CATSPERB: variants seen among roughly 807,000 people sequenced by gnomAD.
CATSPERB encodes the protein cation channel sperm-associated auxiliary subunit beta.
A neutral mutation model predicts 128.3 loss-of-function variants in CATSPERB; 93 were observed. The observed-to-expected ratio is 0.72, with a 90% CI of 0.61 to 0.86. CATSPERB has a LOEUF of 0.86. CATSPERB is among the 40% of genes least tolerant of loss of function. CATSPERB has a pLI of 0.00. For synonymous variants in CATSPERB, 381 were observed against 448.8 expected, an observed-to-expected ratio of 0.85 and a Z score of 1.91; for missense variants, 1,153 against 1,329.5, an observed-to-expected ratio of 0.87 and a Z score of 2.06.
chr14:91,639,935 T>G (rs1894461172), intron 15 of CATSPERB, among the ~76,000 whole-genome samples: 1 of 152,098 alleles, frequency 6.6e-6, no homozygotes. Context: ...GGACTCAGTT[T>G]TTAGATTACT....
chr14:91,726,832 G>A (rs1354074336), intron 2 of CATSPERB, among the ~76,000 whole-genome samples: 2 of 152,140 alleles, frequency 1.3e-5, no homozygotes, highest in East Asian at 3.9e-4. Context: ...AGCTAGGGCA[G>A]AACTGTGCTT....
chr14:91,618,584 A>G (rs1212060884), intron 19 of CATSPERB, among the ~76,000 whole-genome samples: 1 of 152,240 alleles, frequency 6.6e-6, no homozygotes, highest in Non-Finnish European at 1.5e-5. Flanking sequence ...ACTGAAGGGT[A>G]CATGCCCAGT....
chr14:91,655,347 C>G (rs1894769089), intron 15 of CATSPERB, among the ~76,000 whole-genome samples: 1 of 152,158 alleles, frequency 6.6e-6, no homozygotes, highest in African/African-American at 2.4e-5. Flanking sequence ...AATAAGGCAC[C>G]AGAGACCGAT....
In CATSPERB at chr14:91,693,156, ATCT is replaced by A. The variant is rs1566733030; in HGVS notation, c.798_800del (p.Glu266del). On this transcript the variant is annotated inframe_deletion, in exon 9 of 27. Transcript: ENST00000256343. ...AGCTGTGGCGTGATGGATAACGAAG[ATCT>A]TCACTTACAAAAAGGCCCAAAGAGG... The A allele has an allele frequency of 6.2e-7, 1 of 1,613,490 alleles. No individual in the cohort carries two copies. Among genetic ancestry groups the A allele is most frequent in the South Asian group, 1.1e-5 (1 of 91,048 alleles).
At chr14:91,619,861 TTGTGTGTG>T (rs55687285) in intron 19 of CATSPERB, among the ~76,000 whole-genome samples, 27,627 of 138,898 alleles carry the variant, frequency 0.2, 3,148 homozygotes, top group East Asian at 0.34. Context: ...TGTAATAAAA[TTGTGTGTG>T]TGTGTGTGTG....
At chr14:91,605,409 A>G (rs1893682308) in intron 22 of CATSPERB, 1 of 534,072 alleles carries the variant, frequency 1.9e-6, no homozygotes, top group African/African-American at 1.9e-5. Flanking sequence ...GGAAGATCTT[A>G]GAGAAATATG....
chr14:91,652,424 C>T (rs1037131728), intron 15 of CATSPERB, among the ~76,000 whole-genome samples: 2 of 151,246 alleles, frequency 1.3e-5, no homozygotes, highest in African/African-American at 2.4e-5. Flanking sequence ...TTTGGGAGGC[C>T]TACATGGGCA....
intron 11 of CATSPERB, 62 bp downstream of exon 11, chr14:91,683,815 G>A (rs1211424135): frequency 8.0e-6 from 8 of 1,002,954 alleles, no homozygotes; most frequent in Middle Eastern, 2.7e-4. Context: ...GGCTGAGCTT[G>A]CATTCAGTTA....
chr14:91,631,073 CCTCT>C (rs1378291465), intron 17 of CATSPERB, among the ~76,000 whole-genome samples: 1 of 152,202 alleles, frequency 6.6e-6, no homozygotes, highest in Non-Finnish European at 1.5e-5. Context: ...CTTCTTACTC[CCTCT>C]GTCACCATAT....
At position 91,669,939 on chromosome 14, in the gene CATSPERB, G is replaced by C. The variant is rs1566725578; in HGVS notation, c.1162C>G (p.Leu388Val). The change falls in exon 14 of 27, where the codon CTG becomes GTG. Residue 388 changes from leucine (L) to valine (V), a missense_variant. Coordinates refer to ENST00000256343, the MANE Select transcript of CATSPERB (RefSeq NM_024764.4). Reference protein sequence around the residue: ...RKTAIASVSTLRNNEPNSQSK... With the variant: ...RKTAIASVSTVRNNEPNSQSK... ...TGTGAATTTGGTTCATTATTTCTCA[G>C]GGTGCTCACAGAGGCAATGGCAGTT... The C allele has an allele frequency of 6.2e-7, 1 of 1,613,510 alleles. No individual in the cohort carries two copies.
At chr14:91,712,906 G>A (rs933401021) in intron 5 of CATSPERB, among the ~76,000 whole-genome samples, 2 of 152,184 alleles carry the variant, frequency 1.3e-5, no homozygotes, top group Admixed American at 1.3e-4. Context: ...CGCAGACATG[G>A]GGAGAACACG....
intron 7 of CATSPERB, among the ~76,000 whole-genome samples, chr14:91,699,634 C>T (rs1332047970): frequency 1.3e-5 from 2 of 150,510 alleles, no homozygotes; most frequent in Admixed American, 6.6e-5. Context: ...AATGCAATGG[C>T]GCGGTCTCGG....
chr14:91,621,586 T>C (rs1894042564), intron 19 of CATSPERB, 22 bp downstream of exon 19: 2 of 1,492,416 alleles, frequency 1.3e-6, no homozygotes, highest in African/African-American at 2.8e-5. Context: ...CTTTTTATAT[T>C]TTCCGATCAA....
chr14:91,607,899 G>A (rs1893743173), intron 22 of CATSPERB, among the ~76,000 whole-genome samples: 1 of 152,126 alleles, frequency 6.6e-6, no homozygotes. Context: ...CTGGGAGTTG[G>A]TTATTTTCTA....
At chr14:91,624,725 C>T (rs545244642) in intron 18 of CATSPERB, 95 bp downstream of exon 18, 96 of 883,088 alleles carry the variant, frequency 1.1e-4, no homozygotes, top group Admixed American at 4.2e-4. Flanking sequence ...AATTTGAAAT[C>T]TATTGCTCTA....
chr14:91,714,466 C>T (rs1478770008), intron 5 of CATSPERB, among the ~76,000 whole-genome samples: 1 of 150,910 alleles, frequency 6.6e-6, no homozygotes, highest in Non-Finnish European at 1.5e-5. Flanking sequence ...AAACAGAACT[C>T]AATCATTCTT....
chr14:91,590,653 T>G (rs1162047112), intron 23 of CATSPERB, among the ~76,000 whole-genome samples: 5 of 152,046 alleles, frequency 3.3e-5, no homozygotes. Context: ...TTTGTTTGTT[T>G]GTTTTGTTTT....
At chr14:91,600,827 C>A (rs1450570998) in intron 22 of CATSPERB, among the ~76,000 whole-genome samples, 1 of 152,214 alleles carries the variant, frequency 6.6e-6, no homozygotes, top group Non-Finnish European at 1.5e-5. Context: ...TAAATCCTTG[C>A]CCCAAGGGGC....
intron 20 of CATSPERB, among the ~76,000 whole-genome samples, chr14:91,611,708 A>G (rs1199446817): frequency 6.6e-6 from 1 of 152,236 alleles, no homozygotes; most frequent in East Asian, 1.9e-4. Flanking sequence ...TATAATCAGT[A>G]CTTGAGTATT....
Sources: gnomAD v4.1 joint callset for allele counts (sites outside exome capture counted in the v4.1 genomes callset) on GRCh38, gnomAD v4.1.1 for gene constraint, MANE v1.5 for transcripts, NCBI Gene and HGNC (gene_info 2026-07-23, HGNC 2026-07-21) for gene names.